PRUNE2: variants seen among roughly 807,000 people sequenced by gnomAD.
The protein encoded by PRUNE2 is prune homolog 2 with BCH domain, also known as protein prune homolog 2.
In PRUNE2, 164 loss-of-function variants were observed where a neutral mutation model predicts 252.0. That is an observed-to-expected ratio of 0.65 (90% CI 0.57 to 0.74). The LOEUF (loss-of-function observed/expected upper bound fraction) is 0.74. Ranked by LOEUF, PRUNE2 falls within the 30% of genes least tolerant of loss-of-function variation. The pLI is 0.00. For synonymous variants in PRUNE2, 1,292 were observed against 1,350.2 expected (o/e 0.96, Z 0.94); for missense variants, 3,495 against 3,711.0 (o/e 0.94, Z 1.51).
chr9:76,715,261 T>C (rs1213414442), intron 6 of PRUNE2, among the ~76,000 whole-genome samples: 1 of 152,216 alleles, frequency 6.6e-6, no homozygotes, highest in Non-Finnish European at 1.5e-5. Flanking sequence ...CTTAGACTAT[T>C]TACCAGCCAC....
At chr9:76,698,396 C>G (rs2045590652) in intron 9 of PRUNE2, among the ~76,000 whole-genome samples, 1 of 152,114 alleles carries the variant, frequency 6.6e-6, no homozygotes, top group Non-Finnish European at 1.5e-5. Flanking sequence ...CATACCACAC[C>G]AACAGATCAA....
rs565503171 is a variant in PRUNE2, at chr9:76,760,165, C to T, written c.757-46444G>A. 8 of 152,372 alleles carry T rather than the reference C, an allele frequency of 5.3e-5. No individual in the cohort carries two copies. In the East Asian group the frequency reaches 1.2e-3, roughly 22 times the overall value. The allele number at this position is 152,372 out of a possible 1,614,324, so 9.4% of individuals were successfully genotyped here. A position where few individuals can be genotyped will look rare whatever the true frequency, so the allele number is the denominator to read the frequency against. On this transcript the variant is annotated intron_variant, in intron 6 of 18. Transcript: ENST00000376718. ...GGGCTGCCTTCCTCTTCCCTGGGTA[C>T]CTGGCAGTTGGGGTCTGTTGATGGT...
At chr9:76,768,365 G>T (rs2052666007) in intron 6 of PRUNE2, among the ~76,000 whole-genome samples, 1 of 151,956 alleles carries the variant, frequency 6.6e-6, no homozygotes, top group South Asian at 2.1e-4. Flanking sequence ...GTTAATTTTT[G>T]TATTTTTAGT....
At chr9:76,695,770 G>A (rs1426372138) in intron 9 of PRUNE2, among the ~76,000 whole-genome samples, 1 of 152,082 alleles carries the variant, frequency 6.6e-6, no homozygotes, top group Non-Finnish European at 1.5e-5. Flanking sequence ...TGTGGCAGGT[G>A]CTATTCTAAG....
At chr9:76,885,833 A>G (rs1281170154) in intron 1 of PRUNE2, among the ~76,000 whole-genome samples, 2 of 139,214 alleles carry the variant, frequency 1.4e-5, no homozygotes, top group Non-Finnish European at 3.1e-5. Flanking sequence ...TATGAAAATA[A>G]AATTATTTAG....
intron 6 of PRUNE2, among the ~76,000 whole-genome samples, chr9:76,724,187 G>A (rs539102655): frequency 4.3e-4 from 65 of 149,784 alleles, no homozygotes; most frequent in Non-Finnish European, 8.3e-4. Flanking sequence ...GGCTGGGTGC[G>A]GTGGCTCATG....
chr9:76,878,539 A>G (rs981618881), intron 1 of PRUNE2, among the ~76,000 whole-genome samples: 1 of 152,212 alleles, frequency 6.6e-6, no homozygotes, highest in Admixed American at 6.5e-5. Context: ...TAGATCACCA[A>G]CTTCAGAAAA....
chr9:76,672,264 TA>T (rs1164371477), intron 9 of PRUNE2, among the ~76,000 whole-genome samples: 1 of 110,336 alleles, frequency 9.1e-6, no homozygotes, highest in Non-Finnish European at 1.9e-5. Context: ...TAGTCTCTGA[TA>T]AAACAGACTT....
intron 9 of PRUNE2, among the ~76,000 whole-genome samples, chr9:76,690,706 C>G (rs2044621631): frequency 6.6e-6 from 1 of 152,208 alleles, no homozygotes; most frequent in Non-Finnish European, 1.5e-5. Flanking sequence ...CCTCAAGTAT[C>G]TATGAGGCAT....
chr9:76,822,064 G>T (rs1427640016), intron 6 of PRUNE2, among the ~76,000 whole-genome samples: 1 of 152,206 alleles, frequency 6.6e-6, no homozygotes, highest in Non-Finnish European at 1.5e-5. Context: ...TAGTAGAAAT[G>T]ATTCTTAGAG....
At chr9:76,878,372 A>G (rs561054807) in intron 1 of PRUNE2, among the ~76,000 whole-genome samples, 1 of 152,298 alleles carries the variant, frequency 6.6e-6, no homozygotes, top group African/African-American at 2.4e-5. Flanking sequence ...TGAAGAAGCG[A>G]TTGCCCTCTT....
At chr9:76,687,976 TATCTGAACTC>T (rs2044278504) in intron 9 of PRUNE2, among the ~76,000 whole-genome samples, 1 of 152,212 alleles carries the variant, frequency 6.6e-6, no homozygotes, top group African/African-American at 2.4e-5. Flanking sequence ...GGATAGATTA[TATCTGAACTC>T]TCCTGTTCTT....
At chr9:76,717,928 G>T (rs1170908133) in intron 6 of PRUNE2, among the ~76,000 whole-genome samples, 2 of 152,154 alleles carry the variant, frequency 1.3e-5, no homozygotes, top group African/African-American at 4.8e-5. Flanking sequence ...TTTCTAGTTT[G>T]GGAATGAGTG....
At chr9:76,889,287 T>G (rs2062311438) in intron 1 of PRUNE2, among the ~76,000 whole-genome samples, 1 of 152,102 alleles carries the variant, frequency 6.6e-6, no homozygotes, top group African/African-American at 2.4e-5. Context: ...ATGCAGGGCC[T>G]GTTTTATGGG....
chr9:76,858,262 C>T (rs760898717), intron 1 of PRUNE2, among the ~76,000 whole-genome samples: 25 of 152,120 alleles, frequency 1.6e-4, no homozygotes, highest in African/African-American at 2.9e-4. Flanking sequence ...GCATGGTGAA[C>T]TGATGAACCA....
At position 76,710,743 on chromosome 9, in the gene PRUNE2, G is replaced by A. The variant is rs2046662474; in HGVS notation, c.1531C>T (p.His511Tyr). 1.2e-6 allele frequency: 2 copies of A among 1,611,988 alleles called. No homozygotes were observed. The highest frequency in any genetic ancestry group is 8.5e-7 in the Non-Finnish European group (1 of 1,179,098). Reference protein sequence around the residue: ...MASGQSQQSSHSADYSPADDF... With the variant: ...MASGQSQQSSYSADYSPADDF... ...TCTGCTGGGGAGTAGTCTGCAGAAT[G>A]AGAAGATTGCTGGGACTGCCCAGAA... The change falls in exon 8 of 19, where the codon CAT becomes TAT. Residue 511 changes from histidine (H) to tyrosine (Y), a missense_variant. Physicochemically the swap from His to Tyr is moderately conservative, Grantham distance 83 (BLOSUM62 2). Coordinates refer to ENST00000376718, the MANE Select transcript of PRUNE2 (RefSeq NM_015225.3).
At chr9:76,732,102 C>T (rs954091341) in intron 6 of PRUNE2, among the ~76,000 whole-genome samples, 1 of 152,142 alleles carries the variant, frequency 6.6e-6, no homozygotes, top group Non-Finnish European at 1.5e-5. Flanking sequence ...ATCACGAGGT[C>T]AGGAGATCAA....
chr9:76,884,950 C>T (rs2133365322), intron 1 of PRUNE2, among the ~76,000 whole-genome samples: 1 of 152,320 alleles, frequency 6.6e-6, no homozygotes, highest in Non-Finnish European at 1.5e-5. Context: ...ATGGCACCAG[C>T]CACAGGGACA....
At chr9:76,691,914 G>T in intron 9 of PRUNE2, 1 of 605,074 alleles carries the variant, frequency 1.7e-6, no homozygotes. Flanking sequence ...GCAGCTGTCA[G>T]TTGCAAGGGG....
Sources: gnomAD v4.1 joint callset for allele counts (sites outside exome capture counted in the v4.1 genomes callset) on GRCh38, gnomAD v4.1.1 for gene constraint, MANE v1.5 for transcripts, NCBI Gene and HGNC (gene_info 2026-07-23, HGNC 2026-07-21) for gene names.